Variants in LRRC28 observed in about 807,000 individuals in gnomAD.
The protein encoded by LRRC28 is leucine-rich repeat-containing protein 28.
LRRC28 carries 39 observed loss-of-function variants against 45.7 expected under a neutral mutation model. That is an observed-to-expected ratio of 0.85 (90% CI 0.66 to 1.12). The LOEUF (loss-of-function observed/expected upper bound fraction) is 1.12, where lower values mean the gene tolerates loss of function less well. LRRC28 is among the 50% of genes most tolerant of loss of function. The pLI is 0.00. For synonymous variants in LRRC28, 206 were observed against 178.8 expected (o/e 1.15, Z -1.22); for missense variants, 435 against 438.5 (o/e 0.99, Z 0.07).
At chr15:99,323,524 G>A (rs913282961) in intron 5 of LRRC28, among the ~76,000 whole-genome samples, 1 of 152,160 alleles carries the variant, frequency 6.6e-6, no homozygotes, top group Non-Finnish European at 1.5e-5. Context: ...AATATTTCAA[G>A]TGAATCTGAA....
intron 9 of LRRC28, among the ~76,000 whole-genome samples, chr15:99,383,637 C>G (rs1039670954): frequency 6.6e-6 from 1 of 152,190 alleles, no homozygotes; most frequent in African/African-American, 2.4e-5. Context: ...GGATTTTTCT[C>G]TCTCACCTCT....
chr15:99,341,083 C>CTTTTTTTTTTTT (rs528372394), intron 6 of LRRC28, among the ~76,000 whole-genome samples: 6 of 100,490 alleles, frequency 6.0e-5, no homozygotes, highest in Admixed American at 1.3e-4. Context: ...ATTCTACTGT[C>CTTTTTTTTTTTT]TTTTTTTTTT....
chr15:99,257,578 TGGA>T, intron 2 of LRRC28: 1 of 567,890 alleles, frequency 1.8e-6, no homozygotes, highest in Non-Finnish European at 3.4e-6. Flanking sequence ...GGTGAGAGGG[TGGA>T]GGTGGCTCTT....
intron 2 of LRRC28, among the ~76,000 whole-genome samples, chr15:99,264,012 A>ATCTT (rs2081269984): frequency 6.6e-6 from 1 of 152,210 alleles, no homozygotes; most frequent in African/African-American, 2.4e-5. Flanking sequence ...TGGAAGTAAG[A>ATCTT]GCTCAGGGCC....
intron 6 of LRRC28, among the ~76,000 whole-genome samples, chr15:99,343,800 G>A (rs147704934): frequency 6.6e-6 from 1 of 152,220 alleles, no homozygotes; most frequent in East Asian, 1.9e-4. Context: ...ATTGAGTGAA[G>A]GGTTTTTTAT....
intron 6 of LRRC28, among the ~76,000 whole-genome samples, chr15:99,343,896 A>C (rs111275642): frequency 6.6e-6 from 1 of 152,044 alleles, no homozygotes; most frequent in Non-Finnish European, 1.5e-5. Flanking sequence ...ATGCCATTCC[A>C]TTGTGCTTGG....
intron 2 of LRRC28, chr15:99,259,503 A>G: frequency 5.2e-6 from 6 of 1,156,410 alleles, no homozygotes; most frequent in Non-Finnish European, 7.9e-6. Flanking sequence ...ATTAAGGACA[A>G]GATTGAAAAG....
At position 99,276,563 on chromosome 15, in the gene LRRC28, T is replaced by A; in HGVS notation, c.169-13T>A. On this transcript the variant is annotated splice_polypyrimidine_tract_variant and intron_variant, in intron 2 of 9. Coordinates refer to ENST00000301981, the MANE Select transcript of LRRC28 (RefSeq NM_144598.5). The stretch of plus-strand genomic sequence containing the variant: ...TCAAAAATAAAATTTAATTCTGAGT[T>A]TTTAATTTTCAGCCAGAAAACCTTG... The A allele has an allele frequency of 6.5e-7, 1 of 1,543,932 alleles. No homozygotes were observed. The highest frequency in any genetic ancestry group is 1.4e-5 in the African/African-American group (1 of 70,808).
chr15:99,374,364 G>T (rs1475281748), intron 9 of LRRC28, among the ~76,000 whole-genome samples: 1 of 152,112 alleles, frequency 6.6e-6, no homozygotes, highest in Non-Finnish European at 1.5e-5. Context: ...GCTTGTAAAT[G>T]ATACTGTGTT....
At chr15:99,307,733 C>T (rs1027196801) in intron 5 of LRRC28, among the ~76,000 whole-genome samples, 5 of 152,186 alleles carry the variant, frequency 3.3e-5, no homozygotes, top group Admixed American at 3.3e-4. Flanking sequence ...CTTTGTTTTC[C>T]TGACTTCCAA....
chr15:99,252,096 C>T (rs2080827222), intron 1 of LRRC28: 3 of 152,042 alleles, frequency 2.0e-5, no homozygotes, highest in Admixed American at 6.6e-5. Flanking sequence ...GATTGGTGTT[C>T]ACCTGTCAGA....
intron 6 of LRRC28, among the ~76,000 whole-genome samples, chr15:99,335,618 G>T (rs1021475787): frequency 6.6e-6 from 1 of 152,098 alleles, no homozygotes; most frequent in African/African-American, 2.4e-5. Flanking sequence ...GACTGTGCCT[G>T]AGAATAGCCA....
chr15:99,287,137 A>G, intron 3 of LRRC28, 120 bp from the exon 4 acceptor site: 5 of 700,130 alleles, frequency 7.1e-6, no homozygotes, highest in Non-Finnish European at 1.2e-5. Flanking sequence ...GCATTAGAGT[A>G]GGGTGCAAAA....
chr15:99,329,979 T>G (rs2152288840), intron 5 of LRRC28, among the ~76,000 whole-genome samples: 1 of 152,362 alleles, frequency 6.6e-6, no homozygotes, highest in South Asian at 2.1e-4. Flanking sequence ...ATATGTATGT[T>G]TATTGCCTAT....
intron 3 of LRRC28, among the ~76,000 whole-genome samples, chr15:99,277,166 C>G (rs1211708135): frequency 6.6e-6 from 1 of 152,044 alleles, no homozygotes; most frequent in African/African-American, 2.4e-5. Context: ...ATTTCTCTCT[C>G]TCCTTAGCTA....
At chr15:99,271,555 G>A (rs2081479724) in intron 2 of LRRC28, among the ~76,000 whole-genome samples, 5 of 151,966 alleles carry the variant, frequency 3.3e-5, no homozygotes, top group Admixed American at 3.3e-4. Context: ...GGAATTACAG[G>A]CGTGAGCCAC....
At chr15:99,277,214 C>G (rs2081641189) in intron 3 of LRRC28, among the ~76,000 whole-genome samples, 1 of 151,920 alleles carries the variant, frequency 6.6e-6, no homozygotes. Context: ...ATTGCTATTT[C>G]TTGTACTCTT....
chr15:99,335,250 A>T (rs1282013274), intron 6 of LRRC28, among the ~76,000 whole-genome samples: 2 of 152,174 alleles, frequency 1.3e-5, no homozygotes, highest in African/African-American at 4.8e-5. Flanking sequence ...ACAAATCTAG[A>T]GCTCCAGCTT....
Position 99,324,076 on chromosome 15 carries a change from T to C in LRRC28, c.386-9847T>C, listed in dbSNP as rs546767562. Among the ~76,000 whole-genome samples, 11 of 152,204 alleles carry C rather than the reference T, an allele frequency of 7.2e-5. No individual in the cohort carries two copies. The East Asian group carries it at 2.1e-3, about 29-fold the overall frequency. ...AGTAGTCCCCTATTATCTGTGGGAG[T>C]ATGTTCCAAGACCCCCCGTGGGTGC... On this transcript the variant is annotated intron_variant, in intron 5 of 9. Coordinates refer to ENST00000301981, the MANE Select transcript of LRRC28 (RefSeq NM_144598.5).
Sources: allele counts gnomAD v4.1 joint callset (sites outside exome capture counted in the v4.1 genomes callset), GRCh38; gene constraint gnomAD v4.1.1; transcripts MANE v1.5; gene names NCBI Gene and HGNC (gene_info 2026-07-23, HGNC 2026-07-21).